The following DPP10 variants were observed in gnomAD, a reference collection of about 807,000 sequenced individuals.
The protein encoded by DPP10 is inactive dipeptidyl peptidase 10.
Under a neutral mutation model 120.9 loss-of-function variants are expected in DPP10, and 33 were observed. The ratio of observed to expected loss-of-function variants is 0.27; its 90% confidence interval spans 0.21 to 0.37. DPP10 has a LOEUF of 0.37. Ranked by LOEUF, DPP10 falls within the 10% of genes least tolerant of loss-of-function variation. DPP10 has a pLI of 1.00. For synonymous variants in DPP10, 337 were observed against 326.1 expected, an observed-to-expected ratio of 1.03 and a Z score of -0.36; for missense variants, 816 against 942.8, an observed-to-expected ratio of 0.87 and a Z score of 1.76.
intron 1 of DPP10, among the ~76,000 whole-genome samples, chr2:114,825,277 A>G (rs928576521): frequency 1.3e-5 from 2 of 152,192 alleles, no homozygotes; most frequent in African/African-American, 4.8e-5. Context: ...CAGGAGGAAA[A>G]TGTCATGAAA....
intron 3 of DPP10, among the ~76,000 whole-genome samples, chr2:115,386,085 T>C (rs563307858): frequency 6.0e-4 from 91 of 152,334 alleles, no homozygotes; most frequent in African/African-American, 2.1e-3. Context: ...TTATATACCT[T>C]ATATTAATCA....
rs752536463 is a variant in DPP10, at chr2:115,763,366, C to T, written c.1113+756C>T. On this transcript the variant is annotated intron_variant, in intron 12 of 25. Transcript: ENST00000410059. ...TCTGAAATATCCAAATTTATGCTTG[C>T]CATCTCCTCCTAAATCTGTAAAAGT... Among the ~76,000 whole-genome samples the T allele has an allele frequency of 4.6e-5, 7 of 152,216 alleles. No homozygotes were observed. The South Asian group carries it at 1.5e-3, about 32-fold the overall frequency.
At chr2:115,314,562 T>G (rs533400752) in intron 2 of DPP10, among the ~76,000 whole-genome samples, 6 of 152,184 alleles carry the variant, frequency 3.9e-5, no homozygotes, top group Non-Finnish European at 7.3e-5. Flanking sequence ...AGAGCTCTGC[T>G]TGATCTCAGT....
chr2:114,817,989 A>G (rs939833659), intron 1 of DPP10, among the ~76,000 whole-genome samples: 13 of 152,206 alleles, frequency 8.5e-5, no homozygotes, highest in African/African-American at 3.1e-4. Context: ...GTCTTGAAGG[A>G]TTAGAAAATA....
intron 1 of DPP10, among the ~76,000 whole-genome samples, chr2:115,264,741 T>C (rs2059391372): frequency 6.6e-6 from 1 of 152,230 alleles, no homozygotes; most frequent in African/African-American, 2.4e-5. Flanking sequence ...TTTGGAATGA[T>C]GTTTAAGAAA....
At chr2:114,978,877 A>T (rs1229792341) in intron 1 of DPP10, among the ~76,000 whole-genome samples, 7 of 152,136 alleles carry the variant, frequency 4.6e-5, no homozygotes. Flanking sequence ...TAAGAATTAT[A>T]GTTATTTCCT....
chr2:115,240,525 A>G (rs2058223059), intron 1 of DPP10, among the ~76,000 whole-genome samples: 1 of 151,950 alleles, frequency 6.6e-6, no homozygotes. Context: ...ATGATTCTGG[A>G]TATTAGCTCT....
At chr2:115,563,209 A>G (rs2080798420) in intron 5 of DPP10, among the ~76,000 whole-genome samples, 2 of 152,140 alleles carry the variant, frequency 1.3e-5, no homozygotes, top group Admixed American at 1.3e-4. Context: ...GCATCATTTT[A>G]TCCTGAATGT....
rs141376503 is a variant in DPP10, at chr2:115,561,229, C to T, written c.441+35257C>T. ...AAAAAATTAGCCGGGCTTGGTGGCA[C>T]GCACCTGTAATCCCAGCTACTCGGG... On this transcript the variant is annotated intron_variant, in intron 5 of 25. Coordinates refer to ENST00000410059, the MANE Select transcript of DPP10 (RefSeq NM_020868.6). Among the ~76,000 whole-genome samples, 30 of 151,676 alleles carry T rather than the reference C, an allele frequency of 2.0e-4. No homozygotes were observed. In the South Asian group the frequency reaches 2.9e-3, roughly 15 times the overall value.
intron 5 of DPP10, among the ~76,000 whole-genome samples, chr2:115,667,590 A>G (rs1161044663): frequency 6.6e-6 from 1 of 152,068 alleles, no homozygotes; most frequent in East Asian, 1.9e-4. Context: ...ACCATTTATT[A>G]AAAAGGGAGT....
Position 114,772,523 on chromosome 2 carries a change from G to A in DPP10, c.60+329685G>A, listed in dbSNP as rs145038794. Reference sequence around the variant, plus strand: ...TTGACTTAGGCCTTTATCAGACAGAGAGAAGGATGCACATACCTAAGCTGG... The same window carrying A: ...TTGACTTAGGCCTTTATCAGACAGAAAGAAGGATGCACATACCTAAGCTGG... On this transcript the variant is annotated intron_variant, in intron 1 of 25. Coordinates refer to ENST00000410059, the MANE Select transcript of DPP10 (RefSeq NM_020868.6). Among the ~76,000 whole-genome samples, 24 of 152,196 alleles carry A rather than the reference G, an allele frequency of 1.6e-4. 1 individual carries two copies. Among genetic ancestry groups the A allele is most frequent in the African/African-American group, 5.3e-4 (22 of 41,528 alleles).
At chr2:114,892,289 T>C (rs1018521049) in intron 1 of DPP10, among the ~76,000 whole-genome samples, 2 of 152,178 alleles carry the variant, frequency 1.3e-5, no homozygotes, top group Non-Finnish European at 2.9e-5. Context: ...AGATATTTTG[T>C]ATTAACCATC....
chr2:114,701,956 T>A, intron 1 of DPP10, among the ~76,000 whole-genome samples: 1 of 152,174 alleles, frequency 6.6e-6, no homozygotes, highest in Non-Finnish European at 1.5e-5. Flanking sequence ...ATTAATTCTC[T>A]AGTAAATTAG....
chr2:115,516,468 C>A (rs2077507520), intron 4 of DPP10, among the ~76,000 whole-genome samples: 2 of 143,410 alleles, frequency 1.4e-5, no homozygotes. Context: ...AACAGCAAAT[C>A]AATCTATTAT....
chr2:115,840,614 G>T, intron 24 of DPP10, 136 bp from the exon 25 acceptor site: 6 of 852,968 alleles, frequency 7.0e-6, no homozygotes, highest in Non-Finnish European at 1.1e-5. Context: ...GTGAGCCACC[G>T]TGCCCAGCCA....
intron 5 of DPP10, among the ~76,000 whole-genome samples, chr2:115,623,434 TG>T (rs757203680): frequency 4.6e-5 from 7 of 152,210 alleles, no homozygotes; most frequent in Non-Finnish European, 1.0e-4. Flanking sequence ...AATTTGTGAT[TG>T]GTGTTATATT....
intron 1 of DPP10, among the ~76,000 whole-genome samples, chr2:114,508,657 T>C (rs1475071787): frequency 6.6e-6 from 1 of 152,060 alleles, no homozygotes; most frequent in African/African-American, 2.4e-5. Context: ...AGCATCTAAG[T>C]TGTGTCTTCT....
intron 1 of DPP10, among the ~76,000 whole-genome samples, chr2:114,813,941 AACACACACACACACAC>A (rs375858356): frequency 1.3e-4 from 18 of 139,480 alleles, no homozygotes; most frequent in African/African-American, 2.6e-4. Context: ...GGCACGCATG[AACACACACACACACAC>A]ACACACACAC....
At chr2:115,560,826 G>A (rs901498845) in intron 5 of DPP10, among the ~76,000 whole-genome samples, 1 of 151,948 alleles carries the variant, frequency 6.6e-6, no homozygotes, top group Non-Finnish European at 1.5e-5. Context: ...TCTTCCGTAC[G>A]AAAGTATTTT....
Sources: gnomAD v4.1 joint callset for allele counts (sites outside exome capture counted in the v4.1 genomes callset) on GRCh38, gnomAD v4.1.1 for gene constraint, MANE v1.5 for transcripts, NCBI Gene and HGNC (gene_info 2026-07-23, HGNC 2026-07-21) for gene names.